Variants in ZMYM1 observed in about 807,000 individuals in gnomAD.
ZMYM1 encodes zinc finger MYM-type containing 1, also known as zinc finger MYM-type protein 1.
A neutral mutation model predicts 60.0 loss-of-function variants in ZMYM1; 39 were observed. That is an observed-to-expected ratio of 0.65 (90% CI 0.50 to 0.85). The LOEUF (loss-of-function observed/expected upper bound fraction) is 0.85, where lower values mean the gene tolerates loss of function less well. ZMYM1 is among the 40% of genes least tolerant of loss of function. The pLI, the probability that ZMYM1 is intolerant of heterozygous loss-of-function variation, is 0.00. For synonymous variants in ZMYM1, 413 were observed against 454.0 expected, an observed-to-expected ratio of 0.91 and a Z score of 1.15; for missense variants, 1,171 against 1,309.5, an observed-to-expected ratio of 0.89 and a Z score of 1.63.
intron 1 of ZMYM1, among the ~76,000 whole-genome samples, chr1:35,089,967 C>T (rs1569908204): frequency 2.0e-5 from 3 of 147,682 alleles, no homozygotes; most frequent in East Asian, 4.0e-4. Context: ...TGTAGTGGCG[C>T]GATCTCGGCT....
In ZMYM1 at chr1:35,113,983, G is replaced by C. The variant is rs1326336744; in HGVS notation, c.2153G>C (p.Ser718Thr). ...MDKIHGQAYD[S>T]TTNLKIKFNK... ...AAAATACATGGCCAGGCCTATGATAGCACCACTAATTTGAAGATAAAATTT... is the reference window on the plus strand; with the variant it reads ...AAAATACATGGCCAGGCCTATGATACCACCACTAATTTGAAGATAAAATTT... Residue 718 changes from serine (S) to threonine (T), a missense_variant, in exon 10 of 10, where the codon AGC becomes ACC. Physicochemically the swap from Ser to Thr is moderately conservative, Grantham distance 58. Transcript: ENST00000359858. 4 of 1,610,536 alleles carry C rather than the reference G, an allele frequency of 2.5e-6. No individual in the cohort carries two copies. The highest frequency in any genetic ancestry group is 2.5e-6 in the Non-Finnish European group (3 of 1,179,206).
downstream of ZMYM1, among the ~76,000 whole-genome samples, chr1:35,116,254 T>C (rs2148582037): frequency 6.6e-6 from 1 of 152,216 alleles, no homozygotes; most frequent in East Asian, 1.9e-4. Flanking sequence ...CAAACAAGAA[T>C]GAAGTTAGGT....
chr1:35,099,640 T>G (rs952658978), intron 4 of ZMYM1, among the ~76,000 whole-genome samples: 3 of 152,216 alleles, frequency 2.0e-5, no homozygotes, highest in African/African-American at 7.2e-5. Context: ...AATTCCACAT[T>G]AATTAGCCTT....
chr1:35,110,304 A>T lies in ZMYM1; in HGVS notation c.818A>T (p.Lys273Ile). Reference protein sequence around the residue: ...SITAYKQKPAKPLISVPCKPL... With the variant: ...SITAYKQKPAIPLISVPCKPL... Reference sequence around the variant, plus strand: ...TTAATCTCTAAACAGAAACCTGCCAAACCACTTATATCTGTTCCTTGCAAA... The same window carrying T: ...TTAATCTCTAAACAGAAACCTGCCATACCACTTATATCTGTTCCTTGCAAA... The change falls in exon 7 of 10, where the codon AAA (lysine) becomes ATA (isoleucine). Residue 273 changes from lysine (K) to isoleucine (I), a missense_variant. Transcript: ENST00000359858. The T allele has an allele frequency of 6.6e-7, 1 of 1,518,752 alleles. No individual in the cohort carries two copies. Among genetic ancestry groups the T allele is most frequent in the South Asian group, 1.3e-5 (1 of 74,524 alleles). 94.1% of individuals were successfully genotyped at this position (1,518,752 alleles called of 1,614,324 possible). A position where few individuals can be genotyped will look rare whatever the true frequency, so the allele number is the denominator to read the frequency against.
chr1:35,110,146 A>G (rs1338648488), intron 6 of ZMYM1, 148 bp from the exon 7 acceptor site: 3 of 496,966 alleles, frequency 6.0e-6, no homozygotes, highest in Non-Finnish European at 9.7e-6. Context: ...AGTTATTGCA[A>G]TCTGTAGTGT....
chr1:35,063,474 A>T (rs1164493354), intron 1 of ZMYM1, among the ~76,000 whole-genome samples: 1 of 151,870 alleles, frequency 6.6e-6, no homozygotes, highest in East Asian at 1.9e-4. Flanking sequence ...GCGAATTTTT[A>T]AATTTTTTTT....
At chr1:35,092,189 G>C (rs913425369) in intron 1 of ZMYM1, among the ~76,000 whole-genome samples, 1 of 152,048 alleles carries the variant, frequency 6.6e-6, no homozygotes, top group Non-Finnish European at 1.5e-5. Flanking sequence ...GCCTCCCAAA[G>C]TGCTGGGATT....
chr1:35,105,014 G>A (rs1010485829), intron 6 of ZMYM1, among the ~76,000 whole-genome samples: 3 of 151,958 alleles, frequency 2.0e-5, no homozygotes, highest in East Asian at 1.9e-4. Context: ...GGCTGGAGCC[G>A]GTTTATAAAC....
chr1:35,068,533 C>T (rs1642014530), intron 1 of ZMYM1, among the ~76,000 whole-genome samples: 1 of 150,492 alleles, frequency 6.6e-6, no homozygotes, highest in Non-Finnish European at 1.5e-5. Flanking sequence ...AGGAGAAATG[C>T]AGACGAATAT....
At chr1:35,081,509 A>G (rs1305613949) in intron 1 of ZMYM1, among the ~76,000 whole-genome samples, 1 of 152,182 alleles carries the variant, frequency 6.6e-6, no homozygotes, top group Non-Finnish European at 1.5e-5. Context: ...AGAAAAATTA[A>G]TATTGACTCT....
chr1:35,069,124 G>A (rs749003964), intron 1 of ZMYM1, among the ~76,000 whole-genome samples: 4 of 152,138 alleles, frequency 2.6e-5, no homozygotes, highest in Non-Finnish European at 4.4e-5. Flanking sequence ...ATGAGCCACC[G>A]CACCTGGCCT....
intron 1 of ZMYM1, among the ~76,000 whole-genome samples, chr1:35,063,329 A>G (rs1194137825): frequency 1.3e-5 from 2 of 151,906 alleles, no homozygotes; most frequent in Non-Finnish European, 2.9e-5. Context: ...GTTTTAAGAG[A>G]CAGGGTCTTG....
intron 1 of ZMYM1, among the ~76,000 whole-genome samples, chr1:35,074,015 T>A (rs1045931364): frequency 4.6e-5 from 7 of 152,184 alleles, no homozygotes; most frequent in Non-Finnish European, 8.8e-5. Context: ...CTCAAACTCC[T>A]GATCTCAAGT....
At chr1:35,076,596 G>A (rs942585385), upstream of ZMYM1, among the ~76,000 whole-genome samples, 7 of 151,810 alleles carry the variant, frequency 4.6e-5, no homozygotes, top group African/African-American at 1.7e-4. Context: ...ACTCCAGCCT[G>A]GCAACAAGAG....
At chr1:35,092,864 C>T (rs762948067) in intron 1 of ZMYM1, among the ~76,000 whole-genome samples, 4 of 151,804 alleles carry the variant, frequency 2.6e-5, no homozygotes, top group Non-Finnish European at 2.9e-5. Flanking sequence ...ATCTCACGTG[C>T]TCCACCCACC....
Position 35,094,009 on chromosome 1 carries a change from G to A in ZMYM1, c.22G>A (p.Gly8Ser). 2 of 1,609,048 alleles carry A rather than the reference G, an allele frequency of 1.2e-6. No homozygotes were observed. Among genetic ancestry groups the A allele is most frequent in the Non-Finnish European group, 8.5e-7 (1 of 1,177,280 alleles). ...TAAAATGAAAGAACCACTTTTAGGTGGTGAGTGTGACAAGGCAGTGGCATC... is the reference window on the plus strand; with the variant it reads ...TAAAATGAAAGAACCACTTTTAGGTAGTGAGTGTGACAAGGCAGTGGCATC... MKEPLLG[G>S]ECDKAVASQL... The change falls in exon 2 of 10, where the codon GGT becomes AGT. Residue 8 changes from glycine to serine, a missense_variant. By Grantham distance (56) the Gly-to-Ser change is moderately conservative. Transcript: ENST00000359858.
chr1:35,075,455 A>T (rs1260885950), upstream of ZMYM1, among the ~76,000 whole-genome samples: 1 of 151,440 alleles, frequency 6.6e-6, no homozygotes, highest in South Asian at 2.1e-4. Context: ...CCTTACTTCC[A>T]CTCACATAAA....
At chr1:35,107,189 G>A (rs1286908946) in intron 6 of ZMYM1, among the ~76,000 whole-genome samples, 1 of 149,320 alleles carries the variant, frequency 6.7e-6, no homozygotes, top group Non-Finnish European at 1.5e-5. Context: ...TGCCGGGCAC[G>A]GTGGGTCACG....
At chr1:35,108,495 G>A (rs192362634) in intron 6 of ZMYM1, among the ~76,000 whole-genome samples, 34 of 151,998 alleles carry the variant, frequency 2.2e-4, no homozygotes, top group African/African-American at 7.7e-4. Flanking sequence ...GGGGTTACTT[G>A]GGCGCACACC....
Sources: allele counts gnomAD v4.1 joint callset (sites outside exome capture counted in the v4.1 genomes callset), GRCh38; gene constraint gnomAD v4.1.1; transcripts MANE v1.5; gene names NCBI Gene and HGNC (gene_info 2026-07-23, HGNC 2026-07-21).